Variants in ALKAL1 observed in about 807,000 individuals in gnomAD.
ALKAL1 encodes the protein AUG-beta.
In ALKAL1, 23 loss-of-function variants were observed where a neutral mutation model predicts 13.5. The ratio of observed to expected loss-of-function variants is 1.70; its 90% CI spans 1.23 to 2.41. The LOEUF is 2.41. Ranked by LOEUF, ALKAL1 falls within the 30% of genes most tolerant of loss-of-function variation. ALKAL1 has a pLI of 0.00. For synonymous variants in ALKAL1, 85 were observed against 77.7 expected (o/e 1.09, Z -0.49); for missense variants, 181 against 178.4 (o/e 1.01, Z -0.08).
At chr8:52,535,159 G>A (rs978372437) in intron 4 of ALKAL1, among the ~76,000 whole-genome samples, 3 of 148,634 alleles carry the variant, frequency 2.0e-5, no homozygotes, top group Non-Finnish European at 4.4e-5. Flanking sequence ...TCATTTACAT[G>A]GAATATATTA....
intron 4 of ALKAL1, among the ~76,000 whole-genome samples, chr8:52,536,578 C>T (rs1847268733): frequency 6.6e-6 from 1 of 152,154 alleles, no homozygotes; most frequent in African/African-American, 2.4e-5. Flanking sequence ...GAAATAACTA[C>T]ATGTTCATTA....
intron 1 of ALKAL1, among the ~76,000 whole-genome samples, chr8:52,544,997 C>A (rs889502713): frequency 2.0e-5 from 3 of 152,114 alleles, no homozygotes; most frequent in Non-Finnish European, 2.9e-5. Flanking sequence ...CTCACTGAAG[C>A]CTCCACCACC....
chr8:52,564,973 G>A, intron 1 of ALKAL1, 94 bp downstream of exon 1: 5 of 1,032,976 alleles, frequency 4.8e-6, no homozygotes, highest in Non-Finnish European at 6.3e-6. Flanking sequence ...ACTAATCTCA[G>A]GCTTCCCAAA....
At chr8:52,564,121 G>C (rs1325154843) in intron 1 of ALKAL1, among the ~76,000 whole-genome samples, 1 of 152,186 alleles carries the variant, frequency 6.6e-6, no homozygotes, top group Non-Finnish European at 1.5e-5. Context: ...CGCTAGCTGC[G>C]AGGCATCCCC....
At chr8:52,550,366 T>C (rs1847417578) in intron 1 of ALKAL1, among the ~76,000 whole-genome samples, 1 of 152,228 alleles carries the variant, frequency 6.6e-6, no homozygotes, top group South Asian at 2.1e-4. Flanking sequence ...GACTTTTATT[T>C]TACTGGAACA....
chr8:52,552,454 C>G, intron 1 of ALKAL1, among the ~76,000 whole-genome samples: 1 of 152,162 alleles, frequency 6.6e-6, no homozygotes, highest in Admixed American at 6.5e-5. Context: ...GGTCACTATG[C>G]TCAGCCCACA....
chr8:52,535,550 C>CAAAAAA (rs10719477), intron 4 of ALKAL1, among the ~76,000 whole-genome samples: 11 of 68,626 alleles, frequency 1.6e-4, no homozygotes, highest in Non-Finnish European at 2.3e-4. Context: ...GACCCTGTCT[C>CAAAAAA]AAAAAAAAAA....
rs78861724 is a variant in ALKAL1, at chr8:52,540,936, T to C, written c.245-1025A>G. Among the ~76,000 whole-genome samples the C allele has an allele frequency of 2.6e-3, 397 of 152,200 alleles. 1 individual carries two copies. The highest frequency in any genetic ancestry group is 0.011 in the South Asian group (51 of 4,812). Reference sequence around the variant, plus strand: ...TTCCGTTAATAAACAGGTAGGGCCCTTGGACTTGACTAAGTGGGCAAACCA... The same window carrying C: ...TTCCGTTAATAAACAGGTAGGGCCCCTGGACTTGACTAAGTGGGCAAACCA... On this transcript the variant is annotated intron_variant, in intron 2 of 4. Coordinates refer to ENST00000358543, the MANE Select transcript of ALKAL1 (RefSeq NM_207413.4).
chr8:52,545,606 C>T (rs1256490461), intron 1 of ALKAL1, among the ~76,000 whole-genome samples: 1 of 147,926 alleles, frequency 6.8e-6, no homozygotes. Context: ...GTACATCTTA[C>T]ACATATTGAT....
chr8:52,556,999 T>G (rs1003195818), intron 1 of ALKAL1, among the ~76,000 whole-genome samples: 1 of 152,186 alleles, frequency 6.6e-6, no homozygotes, highest in African/African-American at 2.4e-5. Context: ...AGAGACATTG[T>G]TTTCAAATCT....
rs569744010 is a variant in ALKAL1 at position 52,562,380 on chromosome 8, TG to T, written c.190+2686del. ...GCTCCTCAAGCACAATGGTCAACAA[TG>T]TTGCCCATCCCAACGACCTCAGCTG... On this transcript the variant is annotated intron_variant, in intron 1 of 4. Transcript: ENST00000358543. 2.0e-5 allele frequency among the ~76,000 whole-genome samples: 3 copies of T among 152,108 alleles called. No homozygotes were observed. In the South Asian group the frequency reaches 6.2e-4, roughly 32 times the overall value.
At chr8:52,550,584 CAG>C (rs936939520) in intron 1 of ALKAL1, among the ~76,000 whole-genome samples, 1 of 152,190 alleles carries the variant, frequency 6.6e-6, no homozygotes, top group African/African-American at 2.4e-5. Context: ...CTTATATCAA[CAG>C]AGACTTGCTA....
rs115726241 is a variant in ALKAL1 at position 52,541,086 on chromosome 8, G to T, written c.245-1175C>A. Among the ~76,000 whole-genome samples, 662 of 152,310 alleles carry T rather than the reference G, an allele frequency of 4.3e-3. 8 individuals are homozygous for T. Among genetic ancestry groups the T allele is most frequent in the African/African-American group, 0.014 (592 of 41,576 alleles). On this transcript the variant is annotated intron_variant, in intron 2 of 4. Transcript: ENST00000358543. ...ACTGTTTAAAATAATTCAGTGATTT[G>T]CTAGAAATTGGGACATAGGACAATG...
intron 1 of ALKAL1, among the ~76,000 whole-genome samples, chr8:52,549,883 A>G (rs544423137): frequency 6.0e-4 from 92 of 152,298 alleles, no homozygotes; most frequent in African/African-American, 2.1e-3. Context: ...CGGAGGTTGC[A>G]GTGAGCCCAG....
At chr8:52,556,471 C>A (rs1397788804) in intron 1 of ALKAL1, among the ~76,000 whole-genome samples, 3 of 151,312 alleles carry the variant, frequency 2.0e-5, no homozygotes, top group Admixed American at 6.6e-5. Context: ...CACGGTGAAA[C>A]CCCGTCTCTA....
rs1372854321 is a variant in ALKAL1 at position 52,538,485 on chromosome 8, C to T, written c.348G>A (p.Leu116=). 3 of 1,609,746 alleles carry T rather than the reference C, an allele frequency of 1.9e-6. No individual in the cohort carries two copies. The highest frequency in any genetic ancestry group is 2.5e-6 in the Non-Finnish European group (3 of 1,176,752). ...TPAYYKRCAR[L]LTRLAVSPLC... Reference sequence around the variant, plus strand: ...GTGGACTCACTGCTAATCTTGTTAACAATCTAGCACATCTTTTGTAATCTA... The same window carrying T: ...GTGGACTCACTGCTAATCTTGTTAATAATCTAGCACATCTTTTGTAATCTA... Residue 116 remains leucine (L), a synonymous_variant, in exon 4 of 5, where the codon TTG becomes TTA. Transcript: ENST00000358543.
rs117714473 is a variant in ALKAL1, at chr8:52,540,815, C to T, written c.245-904G>A. On this transcript the variant is annotated intron_variant, in intron 2 of 4. Transcript: ENST00000358543. ...TGGAGTCTGCTTCTCGTGGGGTCTA[C>T]GGTCATGTCGCTCACAACTGCCTCG... 5.3e-3 allele frequency among the ~76,000 whole-genome samples: 813 copies of T among 152,224 alleles called. 3 individuals carry two copies. The highest frequency in any genetic ancestry group is 8.5e-3 in the Non-Finnish European group (580 of 67,996).
intron 1 of ALKAL1, among the ~76,000 whole-genome samples, chr8:52,554,307 A>C (rs1006542517): frequency 2.0e-5 from 3 of 152,254 alleles, no homozygotes; most frequent in African/African-American, 7.2e-5. Flanking sequence ...ATGTGTAATC[A>C]GTTATTAAGA....
intron 2 of ALKAL1, among the ~76,000 whole-genome samples, chr8:52,541,633 G>A (rs1847313131): frequency 6.6e-6 from 1 of 152,114 alleles, no homozygotes; most frequent in Admixed American, 6.6e-5. Context: ...GCCAGGTGTG[G>A]TGGCACATGC....
Sources: gnomAD v4.1 joint callset for allele counts (sites outside exome capture counted in the v4.1 genomes callset) on GRCh38, gnomAD v4.1.1 for gene constraint, MANE v1.5 for transcripts, NCBI Gene and HGNC (gene_info 2026-07-23, HGNC 2026-07-21) for gene names.